Variants in NOP14 observed in about 807,000 individuals in gnomAD.
The protein encoded by NOP14 is NOP14 nucleolar protein.
In NOP14, 57 loss-of-function variants were observed where a neutral mutation model predicts 101.6. The observed-to-expected ratio is 0.56, with a 90% confidence interval of 0.45 to 0.70. NOP14 has a LOEUF of 0.70. Among genes scored for constraint, NOP14 ranks in the 30% least tolerant of loss-of-function variants. The pLI, the probability that NOP14 is intolerant of heterozygous loss-of-function variation, is 0.00. For missense variants in NOP14, 1,134 were observed against 1,075.5 expected (o/e 1.05, Z -0.76); for synonymous variants, 428 against 424.0 (o/e 1.01, Z -0.12).
At chr4:2,957,541 TCTC>T in intron 2 of NOP14, 62 bp downstream of exon 2, 1 of 1,584,524 alleles carries the variant, frequency 6.3e-7, no homozygotes, top group South Asian at 1.1e-5. Flanking sequence ...GAGTCAGCCT[TCTC>T]CTTGGCCTTG....
chr4:2,951,572 T>C (rs183429009), intron 6 of NOP14, among the ~76,000 whole-genome samples: 3 of 151,584 alleles, frequency 2.0e-5, no homozygotes, highest in African/African-American at 4.8e-5. Context: ...ACCGAGAGAA[T>C]AGGAGCCAGG....
chr4:2,961,187 A>C (rs1414068476), intron 1 of NOP14, among the ~76,000 whole-genome samples: 1 of 15,964 alleles, frequency 6.3e-5, no homozygotes, highest in Non-Finnish European at 1.1e-4. Context: ...TAATATATTA[A>C]TATGCTAATA....
At position 2,953,651 on chromosome 4, in the gene NOP14, GA is replaced by G; in HGVS notation, c.613-7del. The G allele has an allele frequency of 6.2e-7, 1 of 1,613,814 alleles. No individual in the cohort carries two copies. ...CGTTGAGCTTGTCTCTCCCTCTGGG[GA>G]AAAAATAACAGACACACACCACATA... On this transcript the variant is annotated splice_polypyrimidine_tract_variant and splice_region_variant and intron_variant, in intron 4 of 17. Transcript: ENST00000416614.
Position 2,938,362 on chromosome 4 carries a change from A to G in NOP14, c.*469T>C, listed in dbSNP as rs1713826878. On this transcript the variant is annotated 3_prime_UTR_variant, in exon 18 of 18. Transcript: ENST00000416614. Reference sequence around the variant, plus strand: ...ATGGAGAAACCCCGTCTCTACTAAAAATACAAAATTAGCTGGGCGTGGTGG... The same window carrying G: ...ATGGAGAAACCCCGTCTCTACTAAAGATACAAAATTAGCTGGGCGTGGTGG... 1 of 462,638 alleles carries G rather than the reference A, an allele frequency of 2.2e-6. No individual in the cohort carries two copies. Among genetic ancestry groups the G allele is most frequent in the Non-Finnish European group, 3.9e-6 (1 of 254,342 alleles). 28.7% of individuals were successfully genotyped at this position (462,638 alleles called of 1,614,324 possible). A position where few individuals can be genotyped will look rare whatever the true frequency, so the allele number is the denominator to read the frequency against.
Position 2,942,242 on chromosome 4 carries a change from G to C in NOP14, c.2001C>G (p.Arg667=), listed in dbSNP as rs1233012435. Residue 667 remains arginine, a synonymous_variant, in exon 14 of 18, where the codon CGC becomes CGG. Coordinates refer to ENST00000416614, the MANE Select transcript of NOP14 (RefSeq NM_001291978.2). ...TTGGGGCCCTCAGTCTACTCGCCCA[G>C]CGGAGGGAGAGGCTGCTCTGCTGCC... ...ATWQQSSLSL[R]WASRLRAPTS... 6.2e-7 allele frequency: 1 copy of C among 1,614,182 alleles called. No individual in the cohort carries two copies. The highest frequency in any genetic ancestry group is 2.2e-5 in the East Asian group (1 of 44,884).
intron 6 of NOP14, among the ~76,000 whole-genome samples, chr4:2,951,799 TACAA>T (rs1305229604): frequency 6.6e-6 from 1 of 152,140 alleles, no homozygotes; most frequent in Non-Finnish European, 1.5e-5. Flanking sequence ...TGCTCATCTA[TACAA>T]ACAATTTTTG....
In NOP14 at chr4:2,939,657, G is replaced by A. The variant is rs201791132; in HGVS notation, c.2200-12C>T. The A allele has an allele frequency of 3.3e-4, 522 of 1,597,324 alleles. 1 individual carries two copies. Among genetic ancestry groups the A allele is most frequent in the Non-Finnish European group, 4.0e-4 (462 of 1,165,214 alleles). On this transcript the variant is annotated splice_polypyrimidine_tract_variant and intron_variant, in intron 15 of 17. Transcript: ENST00000416614. ...CTCTGACACAGCTCCTGAAAAACACGAAATCCCCGACTCTGCGATGACTCA... is the reference window on the plus strand; with the variant it reads ...CTCTGACACAGCTCCTGAAAAACACAAAATCCCCGACTCTGCGATGACTCA...
At chr4:2,945,340 T>G in intron 11 of NOP14, 111 bp from the exon 12 acceptor site, 2 of 805,726 alleles carry the variant, frequency 2.5e-6, no homozygotes, top group Non-Finnish European at 4.0e-6. Context: ...AGAGGGTGCA[T>G]CTCCTTGGCC....
rs768147269 is a variant in NOP14 at position 2,957,680 on chromosome 4, T to C, written c.256A>G (p.Lys86Glu). The change falls in exon 2 of 18, where the codon AAA becomes GAA. Residue 86 changes from lysine (K) to glutamate (E), a missense_variant. Physicochemically the swap from Lys to Glu is moderately conservative, Grantham distance 56. Coordinates refer to ENST00000416614, the MANE Select transcript of NOP14 (RefSeq NM_001291978.2). ...ERDKSNVFRD[K>E]RFGEYNSNMS... ...TTGCTGTTGTATTCTCCGAAGCGTT[T>C]ATCTCTGAATACATTGGATTTATCC... The C allele has an allele frequency of 7.4e-6, 12 of 1,614,056 alleles. No homozygotes were observed. Among genetic ancestry groups the C allele is most frequent in the Non-Finnish European group, 8.5e-6 (10 of 1,179,980 alleles).
chr4:2,954,553 A>G lies in NOP14; in HGVS notation c.483T>C (p.Thr161=), dbSNP rs370830139. Reference sequence around the variant, plus strand: ...CACCGCCTCCTCCAAAGTGGGCAGCAGTCAGCTCAGCTGGGGGCAAAAGGC... The same window carrying G: ...CACCGCCTCCTCCAAAGTGGGCAGCGGTCAGCTCAGCTGGGGGCAAAAGGC... ...EDRGTLSAEL[T]AAHFGGGGGL... is the part of the protein sequence containing the mutation. The change falls in exon 4 of 18, where the codon ACT becomes ACC. Residue 161 remains threonine, a synonymous_variant. Coordinates refer to ENST00000416614, the MANE Select transcript of NOP14 (RefSeq NM_001291978.2). 9.9e-6 allele frequency: 16 copies of G among 1,614,050 alleles called. No homozygotes were observed. Among genetic ancestry groups the G allele is most frequent in the Non-Finnish European group, 1.4e-5 (16 of 1,179,964 alleles).
intron 1 of NOP14, among the ~76,000 whole-genome samples, chr4:2,960,950 T>G (rs1427566245): frequency 1.9e-5 from 1 of 54,034 alleles, no homozygotes; most frequent in African/African-American, 8.8e-5. Context: ...ATCAATATTA[T>G]TATATTAATA....
In NOP14 at chr4:2,950,299, C is replaced by T. The variant is rs963249554; in HGVS notation, c.1003-86G>A. 7.1e-6 allele frequency: 10 copies of T among 1,415,574 alleles called. No homozygotes were observed. In the East Asian group the frequency reaches 1.4e-4, roughly 19 times the overall value. The allele number at this position is 1,415,574 out of a possible 1,614,324, so 87.7% of individuals were successfully genotyped here. A position where few individuals can be genotyped will look rare whatever the true frequency, so the allele number is the denominator to read the frequency against. On this transcript the variant is annotated intron_variant, in intron 7 of 17. Transcript: ENST00000416614. ...CACAGCCACATCAAGAGGCTGCCCA[C>T]ATCAGGGCTTTCTACGTGGTTGCAA...
intron 1 of NOP14, among the ~76,000 whole-genome samples, chr4:2,962,571 A>C (rs2109324351): frequency 6.6e-6 from 1 of 152,260 alleles, no homozygotes; most frequent in South Asian, 2.1e-4. Flanking sequence ...CCCAGCCCTT[A>C]CCAGGTGCGT....
chr4:2,949,782 C>T (rs1714889013), intron 8 of NOP14, 152 bp downstream of exon 8: 1 of 818,054 alleles, frequency 1.2e-6, no homozygotes, highest in African/African-American at 1.7e-5. Flanking sequence ...AGACCTGGAT[C>T]AGCAGACACA....
chr4:2,956,584 T>C, intron 3 of NOP14, 86 bp downstream of exon 3: 1 of 1,300,282 alleles, frequency 7.7e-7, no homozygotes. Context: ...CTTTCTCTAG[T>C]CTCTAAGAAG....
intron 4 of NOP14, 78 bp downstream of exon 4, chr4:2,954,346 A>G: frequency 6.6e-7 from 1 of 1,511,644 alleles, no homozygotes; most frequent in Admixed American, 2.0e-5. Context: ...AAAAAGGTAC[A>G]GGAAAAAAAA....
At chr4:2,939,027 G>T in intron 17 of NOP14, 97 bp from the exon 18 acceptor site, 1 of 1,469,400 alleles carries the variant, frequency 6.8e-7, no homozygotes, top group Non-Finnish European at 9.5e-7. Flanking sequence ...AGCCACCGTG[G>T]CCACGTTCAG....
intron 16 of NOP14, 54 bp downstream of exon 16, chr4:2,939,473 G>C: frequency 2.5e-6 from 4 of 1,595,104 alleles, no homozygotes; most frequent in Non-Finnish European, 3.4e-6. Context: ...CCCCCCGTCA[G>C]CTCCCACTGA....
In NOP14 at chr4:2,941,724, G is replaced by T. The variant is rs780230229; in HGVS notation, c.2057C>A (p.Ser686Tyr). The change falls in exon 15 of 18, where the codon TCC (serine) becomes TAC (tyrosine). Residue 686 changes from serine (S) to tyrosine (Y), a missense_variant. Ser to Tyr is a moderately radical substitution (Grantham distance 144, BLOSUM62 -2). Transcript: ENST00000416614. ...CAGGGCCAGGCCCACAGCCAGGCAG[G>T]ACAGTCTGTGAGGGCAGGAGGCAAG... The part of the protein sequence containing the change: ...TSTEANHIRL[S>Y]CLAVGLALLK... 1 of 1,612,394 alleles carries T rather than the reference G, an allele frequency of 6.2e-7. No homozygotes were observed.
Sources: gnomAD v4.1 joint callset for allele counts (sites outside exome capture counted in the v4.1 genomes callset) on GRCh38, gnomAD v4.1.1 for gene constraint, MANE v1.5 for transcripts, NCBI Gene and HGNC (gene_info 2026-07-23, HGNC 2026-07-21) for gene names.